The following CHCT1 variants were observed in gnomAD, a reference collection of about 807,000 sequenced individuals.
CHCT1 encodes CHD1 helical C-terminal domain containing 1.
chr17:60,426,224 C>G, the CHCT1 span: 2 of 1,551,768 alleles, frequency 1.3e-6, no homozygotes, highest in African/African-American at 2.7e-5. Context: ...CAGGGACCTT[C>G]CCCAGAAGAA....
the CHCT1 span, chr17:60,426,922 T>G: frequency 1.3e-6 from 2 of 1,518,598 alleles, no homozygotes; most frequent in African/African-American, 1.4e-5. Context: ...CCTCTGGTCC[T>G]TCCCAGGGCT....
the CHCT1 span, chr17:60,426,832 A>G: frequency 5.0e-6 from 8 of 1,585,596 alleles, no homozygotes; most frequent in Non-Finnish European, 6.9e-6. Context: ...GGCGCAAGAC[A>G]TTCCGCCCGA....
the CHCT1 span, among the ~76,000 whole-genome samples, chr17:60,428,042 G>A: frequency 1.2e-4 from 19 of 152,106 alleles, no homozygotes; most frequent in African/African-American, 4.6e-4. Flanking sequence ...AGGGACTCCT[G>A]GGGGTTTGCA....
chr17:60,421,960 T>TA, the CHCT1 span: 1 of 985,208 alleles, frequency 1.0e-6, no homozygotes, highest in Non-Finnish European at 1.2e-6. Flanking sequence ...ACAGAGCCCG[T>TA]AGGCACTGGC....
At chr17:60,427,124 C>T in the CHCT1 span, among the ~76,000 whole-genome samples, 1 of 152,188 alleles carries the variant, frequency 6.6e-6, no homozygotes, top group Non-Finnish European at 1.5e-5. Flanking sequence ...TTTATGGAAG[C>T]GGCCGTGTAG....
At chr17:60,421,684 G>A in the CHCT1 span, 94 of 847,822 alleles carry the variant, frequency 1.1e-4, no homozygotes, top group Middle Eastern at 6.0e-4. Context: ...CGAGGGTCCC[G>A]GGGCCTCCTG....
chr17:60,426,804 C>T, the CHCT1 span: 81 of 1,604,900 alleles, frequency 5.0e-5, no homozygotes, highest in South Asian at 7.4e-4. Context: ...AGCAGCCAGC[C>T]GGCCAAGTTC....
chr17:60,429,004 GGGATTCT>G, the CHCT1 span, among the ~76,000 whole-genome samples: 6 of 151,626 alleles, frequency 4.0e-5, no homozygotes, highest in Non-Finnish European at 7.4e-5. Context: ...CAGGGTTCTA[GGGATTCT>G]CCTGCCTCAG....
chr17:60,423,894 T>G, the CHCT1 span, among the ~76,000 whole-genome samples: 1 of 152,252 alleles, frequency 6.6e-6, no homozygotes, highest in Non-Finnish European at 1.5e-5. Context: ...TATAAAGGAA[T>G]ACTTGAGGCT....
At chr17:60,427,404 C>T in the CHCT1 span, among the ~76,000 whole-genome samples, 1 of 151,800 alleles carries the variant, frequency 6.6e-6, no homozygotes, top group Non-Finnish European at 1.5e-5. Context: ...GTGCTTTCAC[C>T]CCTTCCCTGT....
At chr17:60,421,258 C>T in the CHCT1 span, 1 of 683,538 alleles carries the variant, frequency 1.5e-6, no homozygotes, top group Non-Finnish European at 1.8e-6. Context: ...ACAACAACAA[C>T]GACAACAATA....
the CHCT1 span, among the ~76,000 whole-genome samples, chr17:60,428,335 C>A: frequency 6.6e-6 from 1 of 152,130 alleles, no homozygotes; most frequent in Non-Finnish European, 1.5e-5. Context: ...CCTGCACTCT[C>A]GCCGTGCAGC....
At chr17:60,421,244 TACAACAACA>T in the CHCT1 span, 1 of 581,860 alleles carries the variant, frequency 1.7e-6, no homozygotes. Flanking sequence ...TTCCTCCCCT[TACAACAACA>T]ACAACGACAA....
the CHCT1 span, chr17:60,426,825 G>T: frequency 6.3e-6 from 10 of 1,594,184 alleles, no homozygotes; most frequent in Non-Finnish European, 6.8e-6. Context: ...CTGGTGAGGC[G>T]CAAGACATTC....
At chr17:60,421,679 G>C in the CHCT1 span, 1 of 866,270 alleles carries the variant, frequency 1.2e-6, no homozygotes, top group Non-Finnish European at 1.4e-6. Flanking sequence ...AGGGGCGAGG[G>C]TCCCGGGGCC....
chr17:60,422,521 A>G, the CHCT1 span: 3 of 1,543,544 alleles, frequency 1.9e-6, no homozygotes, highest in Non-Finnish European at 2.6e-6. Context: ...GCTAGGTCAC[A>G]GAAGCAGTGG....
the CHCT1 span, chr17:60,421,424 G>C: frequency 1.0e-6 from 1 of 985,688 alleles, no homozygotes; most frequent in Non-Finnish European, 1.2e-6. Flanking sequence ...TGGGTGGCAG[G>C]GGAGGCCCGG....
At chr17:60,429,214 C>T in the CHCT1 span, 1 of 811,582 alleles carries the variant, frequency 1.2e-6, no homozygotes, top group Non-Finnish European at 1.9e-6. Context: ...TTCTCTCCCA[C>T]ATCTGTGATT....
the CHCT1 span, among the ~76,000 whole-genome samples, chr17:60,424,368 C>G: frequency 6.6e-6 from 1 of 152,208 alleles, no homozygotes. Context: ...AATCCCTGTT[C>G]ATTCCCCCAA....
Sources: gnomAD v4.1 joint callset for allele counts (sites outside exome capture counted in the v4.1 genomes callset) on GRCh38, gnomAD v4.1.1 for gene constraint, MANE v1.5 for transcripts, NCBI Gene and HGNC (gene_info 2026-07-23, HGNC 2026-07-21) for gene names.